Variants in GALNT17 observed in about 807,000 individuals in gnomAD.
GALNT17 encodes polypeptide N-acetylgalactosaminyltransferase 17.
A neutral mutation model predicts 63.7 loss-of-function variants in GALNT17; 29 were observed. That is an observed-to-expected ratio of 0.46 (90% CI 0.34 to 0.62). The LOEUF is 0.62. Among genes scored for constraint, GALNT17 ranks in the 20% least tolerant of loss-of-function variants. The pLI is 0.01. For synonymous variants in GALNT17, 305 were observed against 318.3 expected (o/e 0.96, Z 0.45); for missense variants, 603 against 799.6 (o/e 0.75, Z 2.97).
intron 5 of GALNT17, among the ~76,000 whole-genome samples, chr7:71,530,008 A>G (rs1327431897): frequency 1.3e-5 from 2 of 152,252 alleles, no homozygotes; most frequent in Non-Finnish European, 2.9e-5. Context: ...GAAGCATTTA[A>G]TGAAACAATG....
At chr7:71,696,250 C>A (rs1304742405) in intron 9 of GALNT17, among the ~76,000 whole-genome samples, 2 of 149,628 alleles carry the variant, frequency 1.3e-5, no homozygotes, top group East Asian at 4.1e-4. Context: ...GTAGCTGGGA[C>A]TACAAGCATG....
At chr7:71,355,601 C>T (rs1044121305) in intron 2 of GALNT17, among the ~76,000 whole-genome samples, 2 of 151,892 alleles carry the variant, frequency 1.3e-5, no homozygotes, top group African/African-American at 2.4e-5. Flanking sequence ...GGCATGATCT[C>T]GGCCCACTGC....
chr7:71,460,186 A>G (rs1374234741), intron 5 of GALNT17, among the ~76,000 whole-genome samples: 1 of 152,156 alleles, frequency 6.6e-6, no homozygotes, highest in African/African-American at 2.4e-5. Flanking sequence ...AATCTCTTCA[A>G]GTGTTTTACA....
At chr7:71,221,908 A>ATTTTTTTTTTTTTTTTTTTTT (rs370780821) in intron 1 of GALNT17, among the ~76,000 whole-genome samples, 1 of 114,682 alleles carries the variant, frequency 8.7e-6, no homozygotes, top group Non-Finnish European at 1.8e-5. Context: ...CCTTATTTAG[A>ATTTTTTTTTTTTTTTTTTTTT]TTTTTTTTTT....
chr7:71,528,567 C>T (rs1371449149), intron 5 of GALNT17, among the ~76,000 whole-genome samples: 1 of 152,118 alleles, frequency 6.6e-6, no homozygotes, highest in Non-Finnish European at 1.5e-5. Context: ...GGGGTCCATG[C>T]TGTTCTTAGG....
intron 5 of GALNT17, among the ~76,000 whole-genome samples, chr7:71,543,289 A>G (rs752394505): frequency 2.6e-5 from 4 of 152,142 alleles, no homozygotes; most frequent in African/African-American, 9.7e-5. Flanking sequence ...TTGCTTCCCA[A>G]TGTGCTAGAA....
intron 5 of GALNT17, among the ~76,000 whole-genome samples, chr7:71,516,461 G>A (rs1056216272): frequency 2.6e-5 from 4 of 152,130 alleles, no homozygotes; most frequent in Non-Finnish European, 5.9e-5. Context: ...GAACTGGAGT[G>A]GAGGAGTTGA....
chr7:71,206,729 G>A (rs918137299), intron 1 of GALNT17, among the ~76,000 whole-genome samples: 2 of 152,106 alleles, frequency 1.3e-5, no homozygotes, highest in Non-Finnish European at 2.9e-5. Context: ...TATTTCTGCG[G>A]CTAAAGGAAT....
At chr7:71,362,493 G>T (rs556916416) in intron 2 of GALNT17, among the ~76,000 whole-genome samples, 31 of 152,168 alleles carry the variant, frequency 2.0e-4, no homozygotes, top group Non-Finnish European at 4.0e-4. Context: ...TAAAGCTGGT[G>T]ATTTGCAGAG....
At chr7:71,223,111 C>T (rs1342822476) in intron 1 of GALNT17, among the ~76,000 whole-genome samples, 1 of 152,126 alleles carries the variant, frequency 6.6e-6, no homozygotes, top group East Asian at 1.9e-4. Flanking sequence ...TCAGGTTTTT[C>T]CTGTAAAGTT....
At chr7:71,520,120 A>G (rs1157088300) in intron 5 of GALNT17, among the ~76,000 whole-genome samples, 1 of 152,186 alleles carries the variant, frequency 6.6e-6, no homozygotes, top group East Asian at 1.9e-4. Context: ...TGTAATTGTA[A>G]CACAGTGGGT....
At chr7:71,142,969 A>G (rs1787944603) in intron 1 of GALNT17, among the ~76,000 whole-genome samples, 1 of 149,590 alleles carries the variant, frequency 6.7e-6, no homozygotes, top group Non-Finnish European at 1.5e-5. Flanking sequence ...GGAATGTTAC[A>G]CTGAGCCTGG....
At chr7:71,418,696 G>A (rs978252143) in intron 4 of GALNT17, among the ~76,000 whole-genome samples, 1 of 152,186 alleles carries the variant, frequency 6.6e-6, no homozygotes, top group African/African-American at 2.4e-5. Context: ...CTCTAAGGAA[G>A]CATTGCAGGC....
chr7:71,296,789 G>A (rs1194313452), intron 1 of GALNT17, among the ~76,000 whole-genome samples: 2 of 151,646 alleles, frequency 1.3e-5, no homozygotes, highest in South Asian at 4.2e-4. Context: ...ATTTAATATA[G>A]CATGTGTAAT....
intron 6 of GALNT17, among the ~76,000 whole-genome samples, chr7:71,655,991 C>G (rs1331937789): frequency 6.6e-6 from 1 of 152,102 alleles, no homozygotes; most frequent in African/African-American, 2.4e-5. Context: ...CCTCTTTTCC[C>G]ACCTCCTAGG....
chr7:71,150,672 G>A (rs961446454), intron 1 of GALNT17, among the ~76,000 whole-genome samples: 3 of 151,496 alleles, frequency 2.0e-5, no homozygotes, highest in African/African-American at 4.9e-5. Flanking sequence ...CACCATGCCC[G>A]GCTAATTTTT....
chr7:71,660,451 C>T (rs1248364563), intron 6 of GALNT17, among the ~76,000 whole-genome samples: 2 of 152,228 alleles, frequency 1.3e-5, no homozygotes, highest in South Asian at 2.1e-4. Flanking sequence ...AGTCTTGTTC[C>T]TACCTTTCTG....
At chr7:71,370,623 T>G (rs1246427484) in intron 2 of GALNT17, among the ~76,000 whole-genome samples, 1 of 152,092 alleles carries the variant, frequency 6.6e-6, no homozygotes, top group African/African-American at 2.4e-5. Context: ...TTGCTGGGAT[T>G]ACATGCCCTA....
At chr7:71,660,025 T>TC (rs1248699182) in intron 6 of GALNT17, among the ~76,000 whole-genome samples, 16 of 152,366 alleles carry the variant, frequency 1.1e-4, no homozygotes, top group Non-Finnish European at 7.3e-5. Context: ...CTGCCTGTGA[T>TC]TCTTTGATTA....
Sources: allele counts gnomAD v4.1 joint callset (sites outside exome capture counted in the v4.1 genomes callset), GRCh38; gene constraint gnomAD v4.1.1; transcripts MANE v1.5; gene names NCBI Gene and HGNC (gene_info 2026-07-23, HGNC 2026-07-21).